Variants in THADA observed in about 807,000 individuals in gnomAD.
THADA encodes the protein THADA armadillo repeat containing.
THADA carries 213 observed loss-of-function variants against 219.8 expected under a neutral mutation model. That is an observed-to-expected ratio of 0.97 (90% CI 0.87 to 1.09). The LOEUF is 1.09. Ranked by LOEUF, THADA falls within the 50% of genes least tolerant of loss-of-function variation. The pLI is 0.00. For missense variants in THADA, 2,956 were observed against 2,311.3 expected (o/e 1.28, Z -5.72); for synonymous variants, 1,018 against 828.9 (o/e 1.23, Z -3.92).
intron 19 of THADA, among the ~76,000 whole-genome samples, chr2:43,550,814 A>G (rs893910041): frequency 3.9e-5 from 6 of 152,190 alleles, no homozygotes; most frequent in African/African-American, 1.4e-4. Flanking sequence ...GCTCAAGTAG[A>G]AAATCTAAAG....
chr2:43,542,185 T>A (rs544457970), intron 20 of THADA, among the ~76,000 whole-genome samples: 1 of 152,316 alleles, frequency 6.6e-6, no homozygotes, highest in East Asian at 1.9e-4. Flanking sequence ...ATGGTACTTA[T>A]AGGGTAACCT....
intron 3 of THADA, among the ~76,000 whole-genome samples, chr2:43,591,581 T>G (rs1279365638): frequency 6.6e-6 from 1 of 152,114 alleles, no homozygotes; most frequent in Non-Finnish European, 1.5e-5. Flanking sequence ...CTATGTGTGC[T>G]CAAATGGTAA....
chr2:43,488,574 G>A (rs1030979072), intron 25 of THADA, among the ~76,000 whole-genome samples: 1 of 152,084 alleles, frequency 6.6e-6, no homozygotes, highest in Non-Finnish European at 1.5e-5. Flanking sequence ...TTTAAAATCT[G>A]TTCTTCATTT....
chr2:43,592,058 A>G lies in THADA; in HGVS notation c.77-12T>C. On this transcript the variant is annotated splice_polypyrimidine_tract_variant and intron_variant, in intron 2 of 37. Transcript: ENST00000405975. Reference sequence around the variant, plus strand: ...CACATCAGCAAAAGCTATATAACATATACAAAAAAAAATTTTCAATGATTT... The same window carrying G: ...CACATCAGCAAAAGCTATATAACATGTACAAAAAAAAATTTTCAATGATTT... 1 of 1,522,774 alleles carries G rather than the reference A, an allele frequency of 6.6e-7. No homozygotes were observed. The highest frequency in any genetic ancestry group is 1.3e-5 in the South Asian group (1 of 78,466). The allele number at this position is 1,522,774 out of a possible 1,614,324, so 94.3% of individuals were successfully genotyped here.
At chr2:43,475,422 TA>T (rs59689521) in intron 26 of THADA, among the ~76,000 whole-genome samples, 22,281 of 99,596 alleles carry the variant, frequency 0.22, 1,849 homozygotes, top group Middle Eastern at 0.29. Context: ...GGCCCTGTCT[TA>T]AAAAAAAAAA....
At chr2:43,343,198 T>C (rs549435329) in intron 30 of THADA, 2 of 152,250 alleles carry the variant, frequency 1.3e-5, no homozygotes, top group Admixed American at 6.5e-5. Context: ...TGGCTAATTT[T>C]TGTTGTTGTC....
intron 36 of THADA, among the ~76,000 whole-genome samples, chr2:43,271,992 G>C (rs937225738): frequency 6.6e-6 from 1 of 152,210 alleles, no homozygotes; most frequent in African/African-American, 2.4e-5. Flanking sequence ...AACCAGTGGG[G>C]TGAATGATAG....
intron 17 of THADA, among the ~76,000 whole-genome samples, chr2:43,553,628 A>G (rs1344774270): frequency 1.3e-5 from 2 of 152,196 alleles, no homozygotes; most frequent in African/African-American, 4.8e-5. Flanking sequence ...AGCTAAGACA[A>G]TGCCTAAGAG....
intron 31 of THADA, among the ~76,000 whole-genome samples, chr2:43,315,405 T>A (rs891384477): frequency 1.3e-5 from 2 of 152,146 alleles, no homozygotes; most frequent in African/African-American, 4.8e-5. Flanking sequence ...ATATTGATTA[T>A]CAAAATGGCT....
In THADA at chr2:43,291,831, G is replaced by T. The variant is rs542845780; in HGVS notation, c.4938-63C>A. ...ACAATCAGACATATTTCATACACCG[G>T]TTTTTGCAGATAGTCTGTAATCCAT... is the stretch of plus-strand genomic sequence containing the variant. On this transcript the variant is annotated intron_variant, in intron 33 of 37. Coordinates refer to ENST00000405975, the MANE Select transcript of THADA (RefSeq NM_022065.5). 9.6e-5 allele frequency: 136 copies of T among 1,409,976 alleles called. 2 individuals are homozygous for T. In the East Asian group the frequency reaches 3.4e-3, roughly 35 times the overall value. The allele number at this position is 1,409,976 out of a possible 1,614,324, so 87.3% of individuals were successfully genotyped here.
chr2:43,302,550 C>CTGT (rs1676389161), intron 31 of THADA, among the ~76,000 whole-genome samples: 1 of 151,708 alleles, frequency 6.6e-6, no homozygotes, highest in Non-Finnish European at 1.5e-5. Context: ...ATACCTCCTA[C>CTGT]TGTGCTATGT....
At chr2:43,397,283 C>A (rs771568884) in intron 29 of THADA, among the ~76,000 whole-genome samples, 4 of 152,136 alleles carry the variant, frequency 2.6e-5, no homozygotes. Context: ...CACCCCTAAC[C>A]GCATGCCTAT....
intron 26 of THADA, among the ~76,000 whole-genome samples, chr2:43,482,523 A>T (rs1269612387): frequency 6.6e-6 from 1 of 152,196 alleles, no homozygotes; most frequent in Admixed American, 6.5e-5. Flanking sequence ...CAGAGAAGAA[A>T]ACCAAAGCCC....
At chr2:43,430,613 T>C (rs1163529135) in intron 26 of THADA, 1 of 467,182 alleles carries the variant, frequency 2.1e-6, no homozygotes, top group South Asian at 1.5e-5. Flanking sequence ...CACAACTGAT[T>C]TGGACTATAA....
chr2:43,358,758 A>T (rs185122031), intron 29 of THADA, among the ~76,000 whole-genome samples: 1 of 152,196 alleles, frequency 6.6e-6, no homozygotes, highest in South Asian at 2.1e-4. Context: ...GGCCTGAGAC[A>T]GCCTCAGGAG....
At chr2:43,460,238 T>TAAAAAAAAAAAAAA (rs10560565) in intron 26 of THADA, among the ~76,000 whole-genome samples, 2 of 63,514 alleles carry the variant, frequency 3.1e-5, no homozygotes, top group African/African-American at 5.9e-5. Context: ...TTTCTCTTAA[T>TAAAAAAAAAAAAAA]AAAAAAAAAA....
At chr2:43,594,194 A>C (rs1045653030) in intron 1 of THADA, among the ~76,000 whole-genome samples, 1 of 152,184 alleles carries the variant, frequency 6.6e-6, no homozygotes. Flanking sequence ...CAATCATCAA[A>C]GCAATCTCTT....
At chr2:43,583,236 A>G (rs1700650017) in intron 7 of THADA, among the ~76,000 whole-genome samples, 1 of 152,204 alleles carries the variant, frequency 6.6e-6, no homozygotes, top group Non-Finnish European at 1.5e-5. Flanking sequence ...TACCTGCTGC[A>G]TCTTTATCCT....
At chr2:43,246,665 G>A (rs1177613624) in intron 36 of THADA, among the ~76,000 whole-genome samples, 1 of 152,150 alleles carries the variant, frequency 6.6e-6, no homozygotes, top group Admixed American at 6.5e-5. Context: ...CTCACAACAT[G>A]ATTTTAAGAT....
Sources: allele counts gnomAD v4.1 joint callset (sites outside exome capture counted in the v4.1 genomes callset), GRCh38; gene constraint gnomAD v4.1.1; transcripts MANE v1.5; gene names NCBI Gene and HGNC (gene_info 2026-07-23, HGNC 2026-07-21).